The following KIAA1549L variants were observed in gnomAD, a reference collection of about 807,000 sequenced individuals.
KIAA1549L encodes the protein KIAA1549 like, also known as UPF0606 protein KIAA1549L.
In KIAA1549L, 88 loss-of-function variants were observed where a neutral mutation model predicts 160.7. That is an observed-to-expected ratio of 0.55 (90% CI 0.46 to 0.65). The LOEUF is 0.65. KIAA1549L is among the 30% of genes least tolerant of loss of function. The pLI is 0.00. For missense variants in KIAA1549L, 2,258 were observed against 2,437.5 expected, an observed-to-expected ratio of 0.93 and a Z score of 1.55; for synonymous variants, 950 against 976.7, an observed-to-expected ratio of 0.97 and a Z score of 0.51.
chr11:33,417,415 A>G (rs1850910714), intron 1 of KIAA1549L, among the ~76,000 whole-genome samples: 1 of 152,014 alleles, frequency 6.6e-6, no homozygotes, highest in African/African-American at 2.4e-5. Flanking sequence ...ATTCTGTTCT[A>G]TTTCATTTTA....
chr11:33,400,034 AAG>A (rs1322811428), intron 1 of KIAA1549L, among the ~76,000 whole-genome samples: 2 of 152,212 alleles, frequency 1.3e-5, no homozygotes, highest in Non-Finnish European at 2.9e-5. Context: ...AGCCATCTTT[AAG>A]AGAGATGTTT....
At chr11:33,550,816 T>A (rs1383415273) in intron 4 of KIAA1549L, among the ~76,000 whole-genome samples, 1 of 152,232 alleles carries the variant, frequency 6.6e-6, no homozygotes, top group East Asian at 1.9e-4. Flanking sequence ...GATTTAATTC[T>A]ATACCATGAA....
At chr11:33,401,807 G>A (rs947067299) in intron 1 of KIAA1549L, among the ~76,000 whole-genome samples, 5 of 152,276 alleles carry the variant, frequency 3.3e-5, no homozygotes, top group Middle Eastern at 3.4e-3. Context: ...GAGCCATGGC[G>A]CTCTAGAAAG....
chr11:33,400,424 C>T (rs1243508445), intron 1 of KIAA1549L, among the ~76,000 whole-genome samples: 2 of 152,128 alleles, frequency 1.3e-5, no homozygotes, highest in African/African-American at 4.8e-5. Context: ...CTGCTGGTGT[C>T]CCTAATGGTA....
At chr11:33,400,828 A>G (rs569835657) in intron 1 of KIAA1549L, among the ~76,000 whole-genome samples, 2 of 152,282 alleles carry the variant, frequency 1.3e-5, no homozygotes, top group African/African-American at 2.4e-5. Flanking sequence ...ATGGCATTTA[A>G]TCTTCACAGA....
intron 1 of KIAA1549L, among the ~76,000 whole-genome samples, chr11:33,469,511 C>T (rs994571333): frequency 1.3e-5 from 2 of 152,048 alleles, no homozygotes; most frequent in Non-Finnish European, 2.9e-5. Flanking sequence ...TGTGGACATA[C>T]GTTTTTGGTT....
At chr11:33,641,615 TATATATATATATATATATAC>T in intron 16 of KIAA1549L, among the ~76,000 whole-genome samples, 3 of 40,102 alleles carry the variant, frequency 7.5e-5, no homozygotes, top group Admixed American at 2.4e-4. Flanking sequence ...TATATATATA[TATATATATATATATATATAC>T]ACAGTGGGTA....
chr11:33,418,076 G>A (rs1445299837), intron 1 of KIAA1549L, among the ~76,000 whole-genome samples: 1 of 152,148 alleles, frequency 6.6e-6, no homozygotes, highest in Non-Finnish European at 1.5e-5. Flanking sequence ...ACCACACCTG[G>A]TTCCTATCCC....
intron 16 of KIAA1549L, among the ~76,000 whole-genome samples, chr11:33,633,977 C>T (rs188041882): frequency 2.6e-5 from 4 of 152,312 alleles, no homozygotes; most frequent in Admixed American, 6.5e-5. Context: ...TATAACTCCC[C>T]AGGAGGGAGA....
intron 16 of KIAA1549L, among the ~76,000 whole-genome samples, chr11:33,635,022 A>T (rs562034412): frequency 1.3e-5 from 2 of 152,248 alleles, no homozygotes; most frequent in South Asian, 4.2e-4. Context: ...GCCTGTTCTG[A>T]GGGGAACCAA....
intron 1 of KIAA1549L, among the ~76,000 whole-genome samples, chr11:33,447,216 A>AT (rs1851629325): frequency 6.7e-6 from 1 of 149,270 alleles, no homozygotes; most frequent in African/African-American, 2.6e-5. Context: ...GAGAATGAAC[A>AT]TAGCACACCC....
intron 1 of KIAA1549L, among the ~76,000 whole-genome samples, chr11:33,406,733 T>C (rs1850661883): frequency 6.6e-6 from 1 of 152,236 alleles, no homozygotes; most frequent in Non-Finnish European, 1.5e-5. Context: ...TCTTCACGAA[T>C]CTAATTGTAA....
intron 1 of KIAA1549L, among the ~76,000 whole-genome samples, chr11:33,456,379 G>T (rs1851820809): frequency 6.6e-6 from 1 of 151,268 alleles, no homozygotes; most frequent in Admixed American, 6.6e-5. Flanking sequence ...GACTTGGTAG[G>T]CACAAGTAGG....
intron 16 of KIAA1549L, among the ~76,000 whole-genome samples, chr11:33,640,187 T>C (rs376450359): frequency 1.3e-5 from 2 of 152,328 alleles, no homozygotes; most frequent in East Asian, 3.9e-4. Flanking sequence ...GTATGTATTC[T>C]GTTTATAAAA....
At position 33,617,318 on chromosome 11, in the gene KIAA1549L, T is replaced by C. The variant is rs573188351; in HGVS notation, c.5280-1215T>C. 1.9e-3 allele frequency among the ~76,000 whole-genome samples: 285 copies of C among 152,304 alleles called. 1 individual carries two copies. The highest frequency in any genetic ancestry group is 6.6e-3 in the African/African-American group (275 of 41,578). Reference sequence around the variant, plus strand: ...TCACCCCCACTTGTAAAATTACCTCTTGTGGAAGAAGAAAAGCATAGCCAA... The same window carrying C: ...TCACCCCCACTTGTAAAATTACCTCCTGTGGAAGAAGAAAAGCATAGCCAA... On this transcript the variant is annotated intron_variant, in intron 15 of 20. Coordinates refer to ENST00000658780, the MANE Select transcript of KIAA1549L (RefSeq NM_012194.3).
chr11:33,446,685 T>A (rs981815505), intron 1 of KIAA1549L, among the ~76,000 whole-genome samples: 2 of 152,088 alleles, frequency 1.3e-5, no homozygotes, highest in Admixed American at 1.3e-4. Context: ...TTTTTAAATT[T>A]AAGTTTTAGA....
chr11:33,605,150 TTTTTGTTTTGTTTTGTTTTG>T (rs71457310), intron 13 of KIAA1549L, among the ~76,000 whole-genome samples: 4,074 of 149,910 alleles, frequency 0.027, 181 homozygotes, highest in African/African-American at 0.093. Flanking sequence ...AAGTCATGAG[TTTTTGTTTTGTTTTGTTTTG>T]TTTTGTTTTG....
chr11:33,407,320 G>A (rs923008139), intron 1 of KIAA1549L, among the ~76,000 whole-genome samples: 13 of 151,190 alleles, frequency 8.6e-5, no homozygotes, highest in African/African-American at 2.9e-4. Flanking sequence ...TCCTGACCTC[G>A]TGATCCGCCC....
intron 1 of KIAA1549L, among the ~76,000 whole-genome samples, chr11:33,419,265 A>G (rs1468674181): frequency 6.6e-6 from 1 of 152,174 alleles, no homozygotes; most frequent in Non-Finnish European, 1.5e-5. Flanking sequence ...TTTGGTGTTG[A>G]GTGGCAAGCT....
Sources: gnomAD v4.1 joint callset for allele counts (sites outside exome capture counted in the v4.1 genomes callset) on GRCh38, gnomAD v4.1.1 for gene constraint, MANE v1.5 for transcripts, NCBI Gene and HGNC (gene_info 2026-07-23, HGNC 2026-07-21) for gene names.